Variants in AOAH observed in about 807,000 individuals in gnomAD.
The protein encoded by AOAH is acyloxyacyl hydrolase (neutrophil).
AOAH carries 64 observed loss-of-function variants against 92.2 expected under a neutral mutation model. The ratio of observed to expected loss-of-function variants is 0.69; its 90% CI spans 0.57 to 0.86. The LOEUF is 0.86. Ranked by LOEUF, AOAH falls within the 40% of genes least tolerant of loss-of-function variation. The pLI, the probability that AOAH is intolerant of heterozygous loss-of-function variation, is 0.00. For synonymous variants in AOAH, 263 were observed against 254.5 expected (o/e 1.03, Z -0.32); for missense variants, 656 against 694.6 (o/e 0.94, Z 0.62).
At chr7:36,528,622 GTCTC>G (rs1264232618) in intron 19 of AOAH, among the ~76,000 whole-genome samples, 3 of 152,062 alleles carry the variant, frequency 2.0e-5, no homozygotes, top group Admixed American at 6.5e-5. Flanking sequence ...TAGAGATGAG[GTCTC>G]TCTCTGTCAA....
At chr7:36,675,170 C>T (rs1342354963) in intron 2 of AOAH, among the ~76,000 whole-genome samples, 2 of 152,118 alleles carry the variant, frequency 1.3e-5, no homozygotes, top group Admixed American at 6.5e-5. Context: ...GCAGGAGAAT[C>T]GCTTGAACCC....
intron 15 of AOAH, among the ~76,000 whole-genome samples, chr7:36,547,548 T>C (rs1362820372): frequency 1.3e-5 from 2 of 152,202 alleles, no homozygotes; most frequent in Non-Finnish European, 2.9e-5. Context: ...AGCTCTGCCA[T>C]TAATCAACCC....
At chr7:36,716,498 A>T (rs1799180908) in intron 1 of AOAH, among the ~76,000 whole-genome samples, 1 of 149,468 alleles carries the variant, frequency 6.7e-6, no homozygotes, top group African/African-American at 2.5e-5. Flanking sequence ...ATTATATATC[A>T]TGCTGCTATA....
intron 20 of AOAH, 126 bp from the exon 21 acceptor site, chr7:36,513,506 T>C (rs991585386): frequency 3.4e-6 from 3 of 884,126 alleles, no homozygotes; most frequent in Non-Finnish European, 5.2e-6. Flanking sequence ...CACCCCCATG[T>C]CTCTGTATAA....
At chr7:36,696,436 T>C (rs995060193) in intron 1 of AOAH, among the ~76,000 whole-genome samples, 1 of 152,248 alleles carries the variant, frequency 6.6e-6, no homozygotes, top group African/African-American at 2.4e-5. Flanking sequence ...TTAATTTCTC[T>C]TCGCAATATT....
chr7:36,547,981 G>A (rs1583787126), intron 15 of AOAH, among the ~76,000 whole-genome samples: 1 of 151,952 alleles, frequency 6.6e-6, no homozygotes, highest in African/African-American at 2.4e-5. Context: ...GTTCTTATGG[G>A]GTAACTGTGC....
At chr7:36,687,982 G>A (rs568063256) in intron 1 of AOAH, among the ~76,000 whole-genome samples, 35 of 152,238 alleles carry the variant, frequency 2.3e-4, no homozygotes, top group African/African-American at 7.9e-4. Flanking sequence ...TTTTGGCCTC[G>A]ATGTTCTGTC....
chr7:36,520,966 C>G (rs1784077619), intron 20 of AOAH, among the ~76,000 whole-genome samples: 1 of 152,150 alleles, frequency 6.6e-6, no homozygotes, highest in Non-Finnish European at 1.5e-5. Flanking sequence ...TGTGGGACGC[C>G]ACTTTTACTC....
intron 5 of AOAH, among the ~76,000 whole-genome samples, chr7:36,632,645 G>A (rs187226601): frequency 6.6e-6 from 1 of 152,204 alleles, no homozygotes; most frequent in East Asian, 1.9e-4. Context: ...AAGCCCTGAC[G>A]TTTTACCAAG....
chr7:36,631,503 C>T (rs752882915), intron 6 of AOAH, among the ~76,000 whole-genome samples: 1 of 152,170 alleles, frequency 6.6e-6, no homozygotes, highest in Non-Finnish European at 1.5e-5. Context: ...CAAAGTGGAG[C>T]TGGAATATGG....
chr7:36,555,900 G>A (rs565653157), intron 13 of AOAH, among the ~76,000 whole-genome samples: 13 of 152,034 alleles, frequency 8.6e-5, no homozygotes, highest in South Asian at 8.3e-4. Flanking sequence ...TCTTGCTAGC[G>A]GTCTATCAAT....
chr7:36,544,895 A>T (rs1242854737), intron 15 of AOAH, among the ~76,000 whole-genome samples: 1 of 152,202 alleles, frequency 6.6e-6, no homozygotes, highest in Non-Finnish European at 1.5e-5. Flanking sequence ...CCATAGCTAA[A>T]GCCCAGATCA....
chr7:36,626,259 G>T (rs1792656578), intron 6 of AOAH, among the ~76,000 whole-genome samples: 1 of 152,216 alleles, frequency 6.6e-6, no homozygotes, highest in African/African-American at 2.4e-5. Flanking sequence ...AAAAGGAGCT[G>T]CAGGAAAGGT....
Position 36,724,212 on chromosome 7 carries a change from G to A in AOAH, c.-64C>T. On this transcript the variant is annotated 5_prime_UTR_variant, in exon 1 of 21. Transcript: ENST00000617537. Reference sequence around the variant, plus strand: ...AAGCTCCCAACTGAGGGATGCTGGAGCTGAGGCTGCAGAATCAATTGATCT... The same window carrying A: ...AAGCTCCCAACTGAGGGATGCTGGAACTGAGGCTGCAGAATCAATTGATCT... 1 of 1,592,792 alleles carries A rather than the reference G, an allele frequency of 6.3e-7. No homozygotes were observed.
intron 4 of AOAH, among the ~76,000 whole-genome samples, chr7:36,646,575 T>G (rs1429806376): frequency 6.6e-6 from 1 of 152,268 alleles, no homozygotes; most frequent in East Asian, 1.9e-4. Context: ...TTCCTATTGC[T>G]GCTGTAACTA....
chr7:36,714,308 C>T (rs993097674), intron 1 of AOAH, among the ~76,000 whole-genome samples: 1 of 152,118 alleles, frequency 6.6e-6, no homozygotes, highest in African/African-American at 2.4e-5. Flanking sequence ...AGACCAATAA[C>T]AGGAGCTGAA....
At chr7:36,619,008 T>G (rs1484277258) in intron 9 of AOAH, among the ~76,000 whole-genome samples, 1 of 152,166 alleles carries the variant, frequency 6.6e-6, no homozygotes, top group Non-Finnish European at 1.5e-5. Flanking sequence ...TGGGACATCC[T>G]AAAACCTAAA....
At chr7:36,585,528 C>T (rs1351556417) in intron 12 of AOAH, among the ~76,000 whole-genome samples, 1 of 152,034 alleles carries the variant, frequency 6.6e-6, no homozygotes, top group Non-Finnish European at 1.5e-5. Flanking sequence ...AGAGTCAGTA[C>T]AAAATGCTCA....
intron 13 of AOAH, among the ~76,000 whole-genome samples, chr7:36,559,394 G>A (rs1286976663): frequency 6.6e-6 from 1 of 152,122 alleles, no homozygotes; most frequent in African/African-American, 2.4e-5. Flanking sequence ...TTTCTCTGCA[G>A]CCATGTCAGC....
Sources: allele counts gnomAD v4.1 joint callset (sites outside exome capture counted in the v4.1 genomes callset), GRCh38; gene constraint gnomAD v4.1.1; transcripts MANE v1.5; gene names NCBI Gene and HGNC (gene_info 2026-07-23, HGNC 2026-07-21).